Variants in SGMS1 observed in about 807,000 individuals in gnomAD.
The protein encoded by SGMS1 is phosphatidylcholine:ceramide cholinephosphotransferase 1.
A neutral mutation model predicts 46.2 loss-of-function variants in SGMS1; 13 were observed. The observed-to-expected ratio is 0.28, with a 90% CI of 0.18 to 0.45. SGMS1 has a LOEUF of 0.45. Among genes scored for constraint, SGMS1 ranks in the 20% least tolerant of loss-of-function variants. The pLI, the probability that SGMS1 is intolerant of heterozygous loss-of-function variation, is 1.00. For synonymous variants in SGMS1, 203 were observed against 187.8 expected (o/e 1.08, Z -0.66); for missense variants, 324 against 519.9 (o/e 0.62, Z 3.66).
rs138958666 is a variant in SGMS1 at position 50,608,838 on chromosome 10, G to A, written c.-684+14869C>T. On this transcript the variant is annotated intron_variant, in intron 1 of 10. Transcript: ENST00000361781. ...AGGACCTCCAGGGACACCAAATTCC[G>A]TGGATGCTCAAGTCCATCATATAAG... is the stretch of plus-strand genomic sequence containing the variant. 1.5e-3 allele frequency among the ~76,000 whole-genome samples: 231 copies of A among 152,160 alleles called. 1 individual carries two copies. Among genetic ancestry groups the A allele is most frequent in the Non-Finnish European group, 2.4e-3 (165 of 68,004 alleles).
chr10:50,354,520 C>T lies in SGMS1; in HGVS notation c.-231-10175G>A, dbSNP rs569307329. Among the ~76,000 whole-genome samples the T allele has an allele frequency of 7.9e-5, 12 of 152,300 alleles. No individual in the cohort carries two copies. In the East Asian group the frequency reaches 1.5e-3, roughly 20 times the overall value. On this transcript the variant is annotated intron_variant, in intron 6 of 10. Transcript: ENST00000361781. ...AAAACCTAGGCAATACCATTCAGGACACAGGCATGGGCAAGAACTTCATGT... is the reference window on the plus strand; with the variant it reads ...AAAACCTAGGCAATACCATTCAGGATACAGGCATGGGCAAGAACTTCATGT...
At chr10:50,431,583 T>C (rs1290672104) in intron 6 of SGMS1, among the ~76,000 whole-genome samples, 4 of 152,180 alleles carry the variant, frequency 2.6e-5, no homozygotes, top group Non-Finnish European at 2.9e-5. Flanking sequence ...TTCGTTTTTT[T>C]CCTCCATTTC....
intron 1 of SGMS1, among the ~76,000 whole-genome samples, chr10:50,620,965 C>T (rs1838844244): frequency 6.6e-6 from 1 of 152,144 alleles, no homozygotes; most frequent in Non-Finnish European, 1.5e-5. Flanking sequence ...GAGAGGATTA[C>T]TTGAGCCCAG....
intron 2 of SGMS1, among the ~76,000 whole-genome samples, chr10:50,525,242 A>T (rs1362921935): frequency 1.3e-5 from 2 of 152,146 alleles, no homozygotes; most frequent in Non-Finnish European, 2.9e-5. Context: ...ACACAAATTG[A>T]ATGAGTGAAG....
At chr10:50,435,991 T>C (rs1849469276) in intron 5 of SGMS1, among the ~76,000 whole-genome samples, 1 of 152,270 alleles carries the variant, frequency 6.6e-6, no homozygotes, top group Non-Finnish European at 1.5e-5. Context: ...TAGTTCCCTT[T>C]ATTTGCTATA....
chr10:50,597,958 G>A (rs879537148), intron 1 of SGMS1, among the ~76,000 whole-genome samples: 5 of 150,918 alleles, frequency 3.3e-5, no homozygotes, highest in Non-Finnish European at 5.9e-5. Context: ...GTTGCAGCGA[G>A]CTGAGATAGC....
At chr10:50,493,225 C>T (rs1837581618) in intron 3 of SGMS1, among the ~76,000 whole-genome samples, 1 of 152,104 alleles carries the variant, frequency 6.6e-6, no homozygotes, top group African/African-American at 2.4e-5. Flanking sequence ...GAAAGGATTC[C>T]CTATTCAATA....
chr10:50,423,166 C>T (rs538815512), intron 6 of SGMS1, among the ~76,000 whole-genome samples: 1 of 152,310 alleles, frequency 6.6e-6, no homozygotes, highest in South Asian at 2.1e-4. Flanking sequence ...ATCCCAGCAA[C>T]GGGAAAGCCA....
chr10:50,391,259 C>T (rs763140131), intron 6 of SGMS1, among the ~76,000 whole-genome samples: 25 of 152,366 alleles, frequency 1.6e-4, no homozygotes, highest in Non-Finnish European at 2.2e-4. Flanking sequence ...AATCCCCTCT[C>T]ATCTTCCACT....
intron 2 of SGMS1, among the ~76,000 whole-genome samples, chr10:50,536,718 C>T (rs1838005360): frequency 6.6e-6 from 1 of 152,122 alleles, no homozygotes; most frequent in Non-Finnish European, 1.5e-5. Context: ...TTTATTATAG[C>T]ATGTTTTTCA....
chr10:50,307,952 G>C lies in SGMS1; in HGVS notation c.1062+30C>G, dbSNP rs1040409489. The stretch of plus-strand genomic sequence containing the variant: ...CAGCAACATCAAGCCAGAAACAACA[G>C]AAGCTAAAATCAAAAGCGGGGAAAC... On this transcript the variant is annotated intron_variant, in intron 10 of 10. Transcript: ENST00000361781. This position sits in a 1 kb window ranked among gnomAD's most constrained non-coding sequence, Gnocchi z 4.2. The C allele has an allele frequency of 1.2e-5, 20 of 1,611,866 alleles. No individual in the cohort carries two copies. The highest frequency in any genetic ancestry group is 1.7e-5 in the Non-Finnish European group (20 of 1,179,422).
intron 2 of SGMS1, among the ~76,000 whole-genome samples, chr10:50,522,993 C>T (rs934127386): frequency 6.6e-6 from 1 of 152,124 alleles, no homozygotes; most frequent in Non-Finnish European, 1.5e-5. Flanking sequence ...TGCTATGAGA[C>T]CACCATGCTC....
chr10:50,415,208 A>C (rs1343873776), intron 6 of SGMS1, among the ~76,000 whole-genome samples: 1 of 152,250 alleles, frequency 6.6e-6, no homozygotes, highest in Admixed American at 6.5e-5. Context: ...AACATTATTA[A>C]AAAACAAATG....
At chr10:50,582,833 C>T (rs564169359) in intron 2 of SGMS1, among the ~76,000 whole-genome samples, 1 of 152,302 alleles carries the variant, frequency 6.6e-6, no homozygotes, top group South Asian at 2.1e-4. Context: ...TTATTACTAA[C>T]CCAAATGCCC....
intron 1 of SGMS1, among the ~76,000 whole-genome samples, chr10:50,618,780 T>A (rs1193617210): frequency 6.6e-6 from 1 of 152,182 alleles, no homozygotes; most frequent in Non-Finnish European, 1.5e-5. Context: ...CACTCCTAAG[T>A]ACATACCCTT....
At chr10:50,449,083 A>C (rs904211317) in intron 5 of SGMS1, among the ~76,000 whole-genome samples, 4 of 152,240 alleles carry the variant, frequency 2.6e-5, no homozygotes, top group Admixed American at 6.5e-5. Flanking sequence ...GAATTTTTAA[A>C]GCAAGCAATA....
chr10:50,564,403 G>GC (rs1433488439), intron 2 of SGMS1, among the ~76,000 whole-genome samples: 35 of 152,122 alleles, frequency 2.3e-4, no homozygotes, highest in Admixed American at 6.6e-4. Context: ...TTGTTTAAAG[G>GC]CACCTGCAAT....
At chr10:50,608,848 A>AAGTC (rs1838720613) in intron 1 of SGMS1, among the ~76,000 whole-genome samples, 1 of 152,190 alleles carries the variant, frequency 6.6e-6, no homozygotes, top group Admixed American at 6.5e-5. Flanking sequence ...GTGGATGCTC[A>AAGTC]AGTCCATCAT....
rs561308088 is a variant in SGMS1 at position 50,588,241 on chromosome 10, A to C, written c.-589+1912T>G. 5.3e-5 allele frequency among the ~76,000 whole-genome samples: 8 copies of C among 152,360 alleles called. No individual in the cohort carries two copies. In the East Asian group the frequency reaches 1.2e-3, roughly 22 times the overall value. ...GACCTTTTGTTCTAAATCAGAAATG[A>C]GAGTATAAGAAGCCACTGCTGCCCT... On this transcript the variant is annotated intron_variant, in intron 2 of 10. Transcript: ENST00000361781.
Sources: gnomAD v4.1 joint callset for allele counts (sites outside exome capture counted in the v4.1 genomes callset) on GRCh38, gnomAD v4.1.1 for gene constraint, Gnocchi (gnomAD v3.1) non-coding constraint, MANE v1.5 for transcripts, NCBI Gene and HGNC (gene_info 2026-07-23, HGNC 2026-07-21) for gene names.